EPHX2: variants seen among roughly 807,000 people sequenced by gnomAD.
EPHX2 encodes the protein bifunctional epoxide hydrolase 2.
EPHX2 carries 74 observed loss-of-function variants against 78.7 expected under a neutral mutation model. The observed-to-expected ratio is 0.94, with a 90% confidence interval of 0.78 to 1.14. EPHX2 has a LOEUF of 1.14. EPHX2 is among the 50% of genes most tolerant of loss of function. The pLI is 0.00. For missense variants in EPHX2, 715 were observed against 702.5 expected (o/e 1.02, Z -0.20); for synonymous variants, 251 against 255.2 (o/e 0.98, Z 0.16).
chr8:27,506,222 C>G (rs1001260089), intron 4 of EPHX2, among the ~76,000 whole-genome samples: 1 of 152,166 alleles, frequency 6.6e-6, no homozygotes, highest in Non-Finnish European at 1.5e-5. Context: ...CTCCTGGTTT[C>G]AACCAATCCT....
intron 14 of EPHX2, chr8:27,539,211 C>G (rs1248565349): frequency 1.3e-5 from 2 of 155,158 alleles, no homozygotes; most frequent in South Asian, 1.9e-4. Context: ...GCCCCTAGAT[C>G]CAGCACTCTT....
chr8:27,524,457 C>T (rs935677336), intron 11 of EPHX2, among the ~76,000 whole-genome samples: 7 of 152,166 alleles, frequency 4.6e-5, no homozygotes, highest in Non-Finnish European at 7.4e-5. Flanking sequence ...CTGAGACGCC[C>T]TCATGGTTTT....
intron 9 of EPHX2, 102 bp downstream of exon 9, chr8:27,518,174 C>T (rs1814527799): frequency 2.1e-6 from 2 of 939,062 alleles, no homozygotes; most frequent in East Asian, 4.9e-5. Context: ...CATCATTTCA[C>T]AGCCTCTGGG....
intron 1 of EPHX2, among the ~76,000 whole-genome samples, chr8:27,496,439 C>T (rs1225314523): frequency 6.6e-6 from 1 of 152,144 alleles, no homozygotes. Context: ...GCAAAGAGAA[C>T]CTTGGAGTCA....
In EPHX2 at chr8:27,501,387, C is replaced by CTTCTTCT. The variant is rs1554519565; in HGVS notation, c.186+401_186+407dup. Reference sequence around the variant, plus strand: ...TCTTCTTCTTCTTCTTCTTCTTCTTCTTCTTCTTTCTTCTTTCTTCTTTCT... The same window carrying CTTCTTCT: ...TCTTCTTCTTCTTCTTCTTCTTCTTCTTCTTCTTTCTTCTTTCTTCTTTCTTCTTTCT... On this transcript the variant is annotated intron_variant, in intron 2 of 18. Transcript: ENST00000521400. Among the ~76,000 whole-genome samples, 463 of 67,380 alleles carry CTTCTTCT rather than the reference C, an allele frequency of 6.9e-3. 10 individuals carry two copies. The highest frequency in any genetic ancestry group is 0.014 in the East Asian group (39 of 2,772). The allele number at this position is 67,380 out of a possible 152,430, so 44.2% of individuals were successfully genotyped here.
Position 27,540,732 on chromosome 8 carries a change from G to A in EPHX2, c.1379+76G>A, listed in dbSNP as rs368819976. On this transcript the variant is annotated intron_variant, in intron 15 of 18. Coordinates refer to ENST00000521400, the MANE Select transcript of EPHX2 (RefSeq NM_001979.6). ...GGATCTTCAGCCCTCAGGGTGGAGG[G>A]TGAGGCCCAGTTCTCCTCCACCACA... 21 of 1,385,564 alleles carry A rather than the reference G, an allele frequency of 1.5e-5. No individual in the cohort carries two copies. The African/African-American group carries it at 1.8e-4, about 12-fold the overall frequency. The allele number at this position is 1,385,564 out of a possible 1,614,324, so 85.8% of individuals were successfully genotyped here. A position where few individuals can be genotyped will look rare whatever the true frequency, so the allele number is the denominator to read the frequency against.
At chr8:27,511,223 T>C (rs757634905) in intron 5 of EPHX2, among the ~76,000 whole-genome samples, 15 of 152,248 alleles carry the variant, frequency 9.9e-5, no homozygotes, top group Non-Finnish European at 1.9e-4. Flanking sequence ...GAGTTTGATT[T>C]TGGCCGACTT....
intron 6 of EPHX2, among the ~76,000 whole-genome samples, chr8:27,514,363 A>G (rs1042215192): frequency 2.6e-5 from 4 of 152,222 alleles, no homozygotes; most frequent in African/African-American, 7.2e-5. Context: ...GTCATCTAAC[A>G]TACAGCCAAG....
chr8:27,515,940 C>A, intron 7 of EPHX2, 127 bp downstream of exon 7: 1 of 827,126 alleles, frequency 1.2e-6, no homozygotes, highest in South Asian at 1.6e-5. Context: ...AAAGTGTGAC[C>A]AGGTTGGGGC....
chr8:27,505,287 C>G, intron 4 of EPHX2, 141 bp downstream of exon 4: 6 of 792,640 alleles, frequency 7.6e-6, no homozygotes, highest in South Asian at 3.4e-5. Flanking sequence ...ACGTCTTCTC[C>G]TAGAAGACTG....
At chr8:27,527,096 A>G (rs931939050) in intron 12 of EPHX2, among the ~76,000 whole-genome samples, 22 of 151,910 alleles carry the variant, frequency 1.4e-4, no homozygotes, top group African/African-American at 4.8e-4. Context: ...GCATGCCACC[A>G]CTCCCGGCTA....
intron 8 of EPHX2, 57 bp downstream of exon 8, chr8:27,516,455 C>T (rs551496549): frequency 3.5e-5 from 52 of 1,501,980 alleles, no homozygotes; most frequent in East Asian, 2.7e-4. Context: ...CCTGCCTGAG[C>T]GCTCCACGCC....
chr8:27,525,093 T>C (rs1250227257), intron 11 of EPHX2, among the ~76,000 whole-genome samples: 11 of 145,458 alleles, frequency 7.6e-5, no homozygotes, highest in Non-Finnish European at 1.2e-4. Flanking sequence ...TGTGTGTGTG[T>C]GTGTGTGTGT....
Position 27,525,487 on chromosome 8 carries a change from C to T in EPHX2, c.1170+14C>T. On this transcript the variant is annotated intron_variant, in intron 12 of 18. Transcript: ENST00000521400. ...TTCCAAGAACCAGTAAGTATGGCAC[C>T]AAGGGCAACAATGGGAGCATTAGTG... is the stretch of plus-strand genomic sequence containing the variant. The T allele has an allele frequency of 6.3e-7, 1 of 1,594,746 alleles. No homozygotes were observed.
intron 6 of EPHX2, among the ~76,000 whole-genome samples, chr8:27,513,899 T>C (rs1309230258): frequency 1.3e-5 from 2 of 152,204 alleles, no homozygotes; most frequent in African/African-American, 2.4e-5. Flanking sequence ...ATGTCAACTT[T>C]TGCCAAGTGC....
intron 9 of EPHX2, among the ~76,000 whole-genome samples, chr8:27,520,229 G>A (rs892708119): frequency 6.6e-5 from 10 of 151,066 alleles, no homozygotes; most frequent in South Asian, 4.2e-4. Context: ...GCAGTGGTGC[G>A]ATCTCAGCTC....
At chr8:27,519,960 G>A (rs1234478813) in intron 9 of EPHX2, among the ~76,000 whole-genome samples, 3 of 151,294 alleles carry the variant, frequency 2.0e-5, no homozygotes, top group South Asian at 2.1e-4. Flanking sequence ...TCACGTGCTC[G>A]TCCCTCTGTG....
chr8:27,512,396 G>A (rs1166805811), intron 6 of EPHX2, among the ~76,000 whole-genome samples: 2 of 152,226 alleles, frequency 1.3e-5, no homozygotes, highest in Non-Finnish European at 2.9e-5. Context: ...CTTCCTCTGT[G>A]TCAGGCACAG....
intron 9 of EPHX2, among the ~76,000 whole-genome samples, chr8:27,518,975 A>G (rs1814554835): frequency 6.6e-6 from 1 of 152,158 alleles, no homozygotes; most frequent in Non-Finnish European, 1.5e-5. Context: ...TTCCATCAAA[A>G]TCCATTCTTG....
Sources: allele counts gnomAD v4.1 joint callset (sites outside exome capture counted in the v4.1 genomes callset), GRCh38; gene constraint gnomAD v4.1.1; transcripts MANE v1.5; gene names NCBI Gene and HGNC (gene_info 2026-07-23, HGNC 2026-07-21).